Variants in SMIM31 observed in about 807,000 individuals in gnomAD.
SMIM31 encodes human epithelial cell program regulator.
At chr4:164,767,119 C>T (rs10003292) in intron 1 of SMIM31, among the ~76,000 whole-genome samples, 70,639 of 151,938 alleles carry the variant, frequency 0.46, 17,331 homozygotes, top group Admixed American at 0.55. Context: ...TTGAATTTTA[C>T]TCCAAGGGAA....
intron 2 of SMIM31, among the ~76,000 whole-genome samples, chr4:164,794,315 C>T (rs1057186298): frequency 6.6e-6 from 1 of 151,912 alleles, no homozygotes; most frequent in African/African-American, 2.4e-5. Flanking sequence ...GGAGGTTGAG[C>T]CTTCAGTGAG....
chr4:164,778,162 A>C (rs190199401), intron 2 of SMIM31, among the ~76,000 whole-genome samples: 200 of 152,318 alleles, frequency 1.3e-3, no homozygotes, highest in African/African-American at 4.3e-3. Flanking sequence ...CCAAGGCAGG[A>C]GGATGGCTTG....
chr4:164,756,178 T>G (rs1188645883), intron 1 of SMIM31, among the ~76,000 whole-genome samples: 1 of 152,226 alleles, frequency 6.6e-6, no homozygotes, highest in East Asian at 1.9e-4. Context: ...AATGGATATG[T>G]ACATCTATGT....
At chr4:164,762,662 C>CAAAAAAAAAAAAAAAAAAAAAA (rs1162067333) in intron 1 of SMIM31, among the ~76,000 whole-genome samples, 19 of 100,066 alleles carry the variant, frequency 1.9e-4, no homozygotes, top group East Asian at 5.7e-4. Flanking sequence ...GACTCTGTCT[C>CAAAAAAAAAAAAAAAAAAAAAA]AAAAAAAAAA....
chr4:164,758,826 TTTTTTTTTTTTTTTTG>T (rs1732606416), intron 1 of SMIM31, among the ~76,000 whole-genome samples: 12 of 74,556 alleles, frequency 1.6e-4, no homozygotes, highest in South Asian at 9.5e-4. Context: ...TTTTTTTTTT[TTTTTTTTTTTTTTTTG>T]TATTTTTAGT....
chr4:164,797,680 T>A (rs1490335594), intron 2 of SMIM31, among the ~76,000 whole-genome samples: 2 of 152,050 alleles, frequency 1.3e-5, no homozygotes, highest in Non-Finnish European at 2.9e-5. Context: ...GCCAGGCTAG[T>A]CTTGAACTCC....
At chr4:164,768,202 C>G (rs1377372842) in intron 1 of SMIM31, among the ~76,000 whole-genome samples, 1 of 149,804 alleles carries the variant, frequency 6.7e-6, no homozygotes, top group African/African-American at 2.5e-5. Flanking sequence ...TGCCATTGCT[C>G]TCCAGCCTGG....
At chr4:164,766,479 TA>T (rs1732722093) in intron 1 of SMIM31, among the ~76,000 whole-genome samples, 1 of 151,968 alleles carries the variant, frequency 6.6e-6, no homozygotes, top group African/African-American at 2.4e-5. Flanking sequence ...CATAGAACTT[TA>T]ATGGGGAAAG....
chr4:164,757,406 AC>A (rs34087130), intron 1 of SMIM31, among the ~76,000 whole-genome samples: 71,102 of 152,006 alleles, frequency 0.47, 17,520 homozygotes, highest in Admixed American at 0.55. Context: ...GATGAGCACT[AC>A]CTTTAAATTA....
chr4:164,780,388 C>T (rs990442892), intron 2 of SMIM31, among the ~76,000 whole-genome samples: 2 of 152,220 alleles, frequency 1.3e-5, no homozygotes, highest in Non-Finnish European at 2.9e-5. Flanking sequence ...GATTGCGCCA[C>T]TGCACTCCAG....
chr4:164,788,000 C>T (rs1193129022), intron 2 of SMIM31, among the ~76,000 whole-genome samples: 4 of 152,138 alleles, frequency 2.6e-5, no homozygotes, highest in East Asian at 3.8e-4. Flanking sequence ...CTCAGCTCTT[C>T]GGTTCAGTAC....
chr4:164,800,961 T>TAATC (rs1733275307), intron 2 of SMIM31, 130 bp from the exon 3 acceptor site: 2 of 391,030 alleles, frequency 5.1e-6, no homozygotes, highest in Non-Finnish European at 9.0e-6. Flanking sequence ...TCGCTAGGTG[T>TAATC]AATCCCTTTC....
rs529312586 is a variant in SMIM31 at position 164,802,018 on chromosome 4, G to A, written c.*824G>A. ...GGAGGCCGAGGTGGGCAGATCACGA[G>A]GTCAGGAGATTGAGACCATCCTAGC... is the stretch of plus-strand genomic sequence containing the variant. On this transcript the variant is annotated 3_prime_UTR_variant, in exon 3 of 3. Transcript: ENST00000507311. 5.9e-5 allele frequency: 9 copies of A among 152,048 alleles called. No homozygotes were observed. The highest frequency in any genetic ancestry group is 2.2e-4 in the African/African-American group (9 of 41,440). 9.4% of individuals were successfully genotyped at this position (152,048 alleles called of 1,614,324 possible).
chr4:164,782,729 C>CATCAAAT (rs112472539), intron 2 of SMIM31, among the ~76,000 whole-genome samples: 10,497 of 151,608 alleles, frequency 0.069, 994 homozygotes, highest in African/African-American at 0.21. Flanking sequence ...TGAATTTTCA[C>CATCAAAT]ATCAAATAAA....
At position 164,788,478 on chromosome 4, in the gene SMIM31, C is replaced by CTTTTTTTTTTTTTTTTTTTTTTTTTT. The variant is rs72177805; in HGVS notation, c.113-12610_113-12585dup. Among the ~76,000 whole-genome samples the CTTTTTTTTTTTTTTTTTTTTTTTTTT allele has an allele frequency of 1.4e-3, 84 of 58,194 alleles. 19 individuals carry two copies. The highest frequency in any genetic ancestry group is 2.1e-3 in the East Asian group (4 of 1,942). 38.2% of individuals were successfully genotyped at this position (58,194 alleles called of 152,430 possible). A position where few individuals can be genotyped will look rare whatever the true frequency, so the allele number is the denominator to read the frequency against. On this transcript the variant is annotated intron_variant, in intron 2 of 2. Transcript: ENST00000507311. ...ATAAAATTTCTTTCTTCTAATTTTT[C>CTTTTTTTTTTTTTTTTTTTTTTTTTT]TTTTTTTTTTTTTTTTTTTTTTTTT...
At chr4:164,762,869 G>T (rs1025541136) in intron 1 of SMIM31, among the ~76,000 whole-genome samples, 1 of 152,050 alleles carries the variant, frequency 6.6e-6, no homozygotes, top group African/African-American at 2.4e-5. Context: ...AGAATGAAAC[G>T]CTTTGAAGAA....
In SMIM31 at chr4:164,760,710, A is replaced by G. The variant is rs537761495; in HGVS notation, c.-26+6299A>G. On this transcript the variant is annotated intron_variant, in intron 1 of 2. Coordinates refer to ENST00000507311, the MANE Select transcript of SMIM31 (RefSeq NM_001352885.1). ...AGCTGAGATAACGCCACTATGCTCC[A>G]GCCTGGACAGAAGAGTGAGACTCCA... is the stretch of plus-strand genomic sequence containing the variant. Among the ~76,000 whole-genome samples the G allele has an allele frequency of 2.8e-5, 4 of 144,702 alleles. No individual in the cohort carries two copies. The East Asian group carries it at 8.4e-4, about 30-fold the overall frequency. The allele number at this position is 144,702 out of a possible 152,430, so 94.9% of individuals were successfully genotyped here. A position where few individuals can be genotyped will look rare whatever the true frequency, so the allele number is the denominator to read the frequency against.
At chr4:164,773,879 T>C (rs1285214378) in intron 2 of SMIM31, among the ~76,000 whole-genome samples, 3 of 152,078 alleles carry the variant, frequency 2.0e-5, no homozygotes, top group Non-Finnish European at 4.4e-5. Context: ...ATAAGATTCA[T>C]CATCTGGCTG....
At chr4:164,789,601 A>T (rs1291302031) in intron 2 of SMIM31, among the ~76,000 whole-genome samples, 4 of 152,180 alleles carry the variant, frequency 2.6e-5, no homozygotes, top group African/African-American at 4.8e-5. Flanking sequence ...TATATAGAAG[A>T]TTTATAAGTG....
Sources: allele counts gnomAD v4.1 joint callset (sites outside exome capture counted in the v4.1 genomes callset), GRCh38; gene constraint gnomAD v4.1.1; transcripts MANE v1.5; gene names NCBI Gene and HGNC (gene_info 2026-07-23, HGNC 2026-07-21).